Variants in MARCHF1 observed in about 807,000 individuals in gnomAD.
MARCHF1 encodes the protein membrane associated ring-CH-type finger 1, also known as E3 ubiquitin-protein ligase MARCHF1.
A neutral mutation model predicts 54.2 loss-of-function variants in MARCHF1; 40 were observed. The observed-to-expected ratio is 0.74, with a 90% CI of 0.57 to 0.96. MARCHF1 has a LOEUF of 0.96. Ranked by LOEUF, MARCHF1 falls within the 40% of genes least tolerant of loss-of-function variation. The probability of loss-of-function intolerance (pLI) is 0.00; values close to 1 mark genes in which losing one functional copy is unlikely to be tolerated. For synonymous variants in MARCHF1, 236 were observed against 236.3 expected (o/e 1.00, Z 0.01); for missense variants, 586 against 656.5 (o/e 0.89, Z 1.17).
At chr4:163,950,905 A>G (rs1183873234) in intron 3 of MARCHF1, among the ~76,000 whole-genome samples, 1 of 152,238 alleles carries the variant, frequency 6.6e-6, no homozygotes, top group Non-Finnish European at 1.5e-5. Context: ...ATGAGCTCCA[A>G]AGAACATTGT....
At chr4:163,830,298 T>G (rs1297499874) in intron 4 of MARCHF1, among the ~76,000 whole-genome samples, 3 of 150,534 alleles carry the variant, frequency 2.0e-5, no homozygotes, top group African/African-American at 7.3e-5. Context: ...ATTACATAAA[T>G]TATATGTAAA....
chr4:164,126,528 C>T (rs1304164516), intron 1 of MARCHF1, among the ~76,000 whole-genome samples: 1 of 152,078 alleles, frequency 6.6e-6, no homozygotes, highest in Non-Finnish European at 1.5e-5. Flanking sequence ...TAACAAATGG[C>T]TGAAAATGTG....
chr4:164,313,348 C>CAAAAAAAAAAAAAAAAAAAAA (rs553280791), intron 1 of MARCHF1, among the ~76,000 whole-genome samples: 3 of 80,232 alleles, frequency 3.7e-5, no homozygotes, highest in African/African-American at 1.4e-4. Context: ...GACTCTGTCT[C>CAAAAAAAAAAAAAAAAAAAAA]AAAAAAAAAA....
chr4:163,760,580 T>C (rs988176098), intron 4 of MARCHF1, among the ~76,000 whole-genome samples: 1 of 152,178 alleles, frequency 6.6e-6, no homozygotes, highest in Non-Finnish European at 1.5e-5. Flanking sequence ...GCTGCAACAT[T>C]TTCTAGTCAT....
intron 1 of MARCHF1, among the ~76,000 whole-genome samples, chr4:164,188,015 T>G (rs1010097683): frequency 6.6e-6 from 1 of 152,000 alleles, no homozygotes; most frequent in Non-Finnish European, 1.5e-5. Flanking sequence ...AAATTCTGAG[T>G]GTTTTCTTAT....
chr4:163,946,706 C>A (rs1353053892), intron 3 of MARCHF1, among the ~76,000 whole-genome samples: 1 of 152,180 alleles, frequency 6.6e-6, no homozygotes, highest in Admixed American at 6.5e-5. Flanking sequence ...GAACAATGAG[C>A]TATTTTTCAG....
intron 4 of MARCHF1, among the ~76,000 whole-genome samples, chr4:163,742,430 CCTT>C (rs1746231999): frequency 2.3e-5 from 3 of 130,368 alleles, no homozygotes; most frequent in South Asian, 2.5e-4. Context: ...TTCCTTCCTT[CCTT>C]TTCTTTCTTT....
At chr4:163,635,303 C>T (rs1185150718) in intron 5 of MARCHF1, among the ~76,000 whole-genome samples, 1 of 146,094 alleles carries the variant, frequency 6.8e-6, no homozygotes, top group Non-Finnish European at 1.5e-5. Context: ...ATTAATGAAT[C>T]CAGGAGCTGG....
At chr4:163,594,930 C>A (rs778278508) in intron 7 of MARCHF1, among the ~76,000 whole-genome samples, 1 of 152,084 alleles carries the variant, frequency 6.6e-6, no homozygotes, top group Non-Finnish European at 1.5e-5. Context: ...ACCATATGAG[C>A]GAGCAATCCC....
At chr4:163,893,450 G>A (rs544662651) in intron 3 of MARCHF1, among the ~76,000 whole-genome samples, 26 of 152,038 alleles carry the variant, frequency 1.7e-4, no homozygotes, top group Non-Finnish European at 3.5e-4. Context: ...GTCTTTTAGG[G>A]CTGTTTGCCA....
At chr4:163,647,137 A>C (rs1191313522) in intron 5 of MARCHF1, among the ~76,000 whole-genome samples, 1 of 152,062 alleles carries the variant, frequency 6.6e-6, no homozygotes, top group Non-Finnish European at 1.5e-5. Context: ...ATAGACCTTA[A>C]GTCAAAAAAT....
chr4:163,597,005 G>A (rs1019459560), intron 7 of MARCHF1, among the ~76,000 whole-genome samples: 50 of 152,098 alleles, frequency 3.3e-4, no homozygotes, highest in African/African-American at 1.2e-3. Context: ...GCCTAGGCTG[G>A]AGTGCAGTGG....
At chr4:163,982,729 A>C (rs901498944) in intron 3 of MARCHF1, among the ~76,000 whole-genome samples, 1 of 152,140 alleles carries the variant, frequency 6.6e-6, no homozygotes, top group Non-Finnish European at 1.5e-5. Flanking sequence ...TTTCCAAGTA[A>C]ACTTCAGCAT....
chr4:163,997,501 A>T (rs1272045874), intron 2 of MARCHF1, among the ~76,000 whole-genome samples: 1 of 152,046 alleles, frequency 6.6e-6, no homozygotes, highest in Non-Finnish European at 1.5e-5. Context: ...GGAGATATAC[A>T]ACTACTTACT....
chr4:164,235,554 G>A (rs10517804), intron 1 of MARCHF1, among the ~76,000 whole-genome samples: 1,645 of 152,140 alleles, frequency 0.011, 26 homozygotes, highest in African/African-American at 0.037. Context: ...TTAGTGAAGA[G>A]GCCGGTTATA....
chr4:163,561,900 C>T (rs1408492614), intron 8 of MARCHF1, among the ~76,000 whole-genome samples: 1 of 152,132 alleles, frequency 6.6e-6, no homozygotes, highest in Non-Finnish European at 1.5e-5. Flanking sequence ...TTGCTTACTT[C>T]TTCACAGGCA....
At chr4:164,256,559 T>A (rs1046558634) in intron 1 of MARCHF1, among the ~76,000 whole-genome samples, 15 of 151,836 alleles carry the variant, frequency 9.9e-5, no homozygotes, top group Middle Eastern at 3.4e-3. Context: ...AGAATTTTTT[T>A]AAAAAAAGAA....
At chr4:163,618,937 G>C (rs1310350267) in intron 5 of MARCHF1, among the ~76,000 whole-genome samples, 1 of 151,682 alleles carries the variant, frequency 6.6e-6, no homozygotes, top group Non-Finnish European at 1.5e-5. Context: ...CAGCTTCCCA[G>C]AGAAGGAGAC....
chr4:164,122,607 C>A (rs1168130423), intron 1 of MARCHF1, among the ~76,000 whole-genome samples: 1 of 152,006 alleles, frequency 6.6e-6, no homozygotes, highest in Non-Finnish European at 1.5e-5. Context: ...GACTACAAAA[C>A]CTGTCGCATC....
Sources: gnomAD v4.1 joint callset for allele counts (sites outside exome capture counted in the v4.1 genomes callset) on GRCh38, gnomAD v4.1.1 for gene constraint, MANE v1.5 for transcripts, NCBI Gene and HGNC (gene_info 2026-07-23, HGNC 2026-07-21) for gene names.